COL27A1: variants seen among roughly 807,000 people sequenced by gnomAD.
The protein encoded by COL27A1 is collagen type XXVII alpha 1 chain, also known as collagen alpha-1(XXVII) chain.
Under a neutral mutation model 251.3 loss-of-function variants are expected in COL27A1, and 106 were observed. The ratio of observed to expected loss-of-function variants is 0.42; its 90% confidence interval spans 0.36 to 0.50. The LOEUF is 0.50. Ranked by LOEUF, COL27A1 falls within the 20% of genes least tolerant of loss-of-function variation. COL27A1 has a pLI of 0.00. For synonymous variants in COL27A1, 1,000 were observed against 986.3 expected, an observed-to-expected ratio of 1.01 and a Z score of -0.26; for missense variants, 2,325 against 2,522.8, an observed-to-expected ratio of 0.92 and a Z score of 1.68.
chr9:114,306,795 G>A lies in COL27A1; in HGVS notation c.5107+107G>A, dbSNP rs1225900404. 4 of 1,224,280 alleles carry A rather than the reference G, an allele frequency of 3.3e-6. No individual in the cohort carries two copies. The African/African-American group carries it at 6.0e-5, about 18-fold the overall frequency. The allele number at this position is 1,224,280 out of a possible 1,614,324, so 75.8% of individuals were successfully genotyped here. On this transcript the variant is annotated intron_variant, in intron 58 of 60. Transcript: ENST00000356083. ...TTGGCTGAGTTTTTGTCCTCAGCAAGACAGATACACTGGCAGTCATTTATT... is the reference window on the plus strand; with the variant it reads ...TTGGCTGAGTTTTTGTCCTCAGCAAAACAGATACACTGGCAGTCATTTATT...
rs572006514 is a variant in COL27A1, at chr9:114,283,831, A to G, written c.3933+69A>G. 5 of 1,510,800 alleles carry G rather than the reference A, an allele frequency of 3.3e-6. No homozygotes were observed. In the Admixed American group the frequency reaches 8.5e-5, roughly 26 times the overall value. 93.6% of individuals were successfully genotyped at this position (1,510,800 alleles called of 1,614,324 possible). On this transcript the variant is annotated intron_variant, in intron 40 of 60. Coordinates refer to ENST00000356083, the MANE Select transcript of COL27A1 (RefSeq NM_032888.4). The stretch of plus-strand genomic sequence containing the variant: ...AGGCCTGGAAACACAGGCCCATGCC[A>G]GCCTCTGCCCCACCACCTCCCAGCT...
At chr9:114,267,362 C>A in intron 33 of COL27A1, 142 bp from the exon 34 acceptor site, 1 of 633,644 alleles carries the variant, frequency 1.6e-6, no homozygotes, top group Non-Finnish European at 2.6e-6. Context: ...CTCCAAGAAG[C>A]TACAAGCTGC....
chr9:114,266,683 C>A, intron 33 of COL27A1, 65 bp downstream of exon 33: 1 of 1,441,554 alleles, frequency 6.9e-7, no homozygotes, highest in Non-Finnish European at 9.8e-7. Flanking sequence ...CTTCCCTTCC[C>A]TCCTCCCCAG....
chr9:114,259,201 C>G (rs1225449761), intron 28 of COL27A1, among the ~76,000 whole-genome samples: 1 of 152,114 alleles, frequency 6.6e-6, no homozygotes. Context: ...TAGGTATCCT[C>G]AGGGTCAAAA....
intron 13 of COL27A1, among the ~76,000 whole-genome samples, chr9:114,221,257 G>T (rs1831090690): frequency 6.6e-6 from 1 of 152,134 alleles, no homozygotes; most frequent in Non-Finnish European, 1.5e-5. Flanking sequence ...GGAGATAGGT[G>T]GGGAGACATT....
intron 25 of COL27A1, among the ~76,000 whole-genome samples, chr9:114,251,705 C>T (rs888195782): frequency 6.6e-6 from 1 of 152,208 alleles, no homozygotes; most frequent in Non-Finnish European, 1.5e-5. Flanking sequence ...TAGCCAAATG[C>T]TTTCTTCCCA....
At chr9:114,181,968 C>T (rs187396438) in intron 4 of COL27A1, among the ~76,000 whole-genome samples, 17 of 152,168 alleles carry the variant, frequency 1.1e-4, no homozygotes, top group Admixed American at 1.1e-3. Context: ...GTGTTGTAGC[C>T]ACAGGAGAGG....
chr9:114,262,257 A>T (rs1358283873), intron 28 of COL27A1, among the ~76,000 whole-genome samples: 10 of 152,158 alleles, frequency 6.6e-5, no homozygotes, highest in Admixed American at 6.5e-4. Context: ...TGTCCACGTG[A>T]GCCTGAGACT....
chr9:114,303,654 C>T (rs146496663), intron 56 of COL27A1, among the ~76,000 whole-genome samples: 2 of 152,170 alleles, frequency 1.3e-5, no homozygotes, highest in Admixed American at 1.3e-4. Flanking sequence ...AAGCAGCTTT[C>T]CCCAGATTAT....
At chr9:114,239,192 C>G (rs2135469236) in intron 19 of COL27A1, among the ~76,000 whole-genome samples, 2 of 152,394 alleles carry the variant, frequency 1.3e-5, no homozygotes, top group East Asian at 3.9e-4. Flanking sequence ...GGTGAATTAT[C>G]TCTCACTCAT....
chr9:114,237,079 A>G (rs374855877), intron 18 of COL27A1, 45 bp downstream of exon 18: 7 of 1,526,348 alleles, frequency 4.6e-6, no homozygotes, highest in Non-Finnish European at 5.3e-6. Context: ...ACACTCTCCA[A>G]CTGATCGTGT....
intron 16 of COL27A1, among the ~76,000 whole-genome samples, chr9:114,233,711 A>G: frequency 6.6e-6 from 1 of 152,232 alleles, no homozygotes; most frequent in East Asian, 1.9e-4. Flanking sequence ...TGTTACATGG[A>G]ACTCGGCTGG....
At chr9:114,291,184 C>T (rs1827889601) in intron 48 of COL27A1, among the ~76,000 whole-genome samples, 1 of 152,186 alleles carries the variant, frequency 6.6e-6, no homozygotes, top group Non-Finnish European at 1.5e-5. Flanking sequence ...GGCGCCCTCT[C>T]GTGGACATTT....
chr9:114,252,594 G>A lies in COL27A1; in HGVS notation c.3035G>A (p.Gly1012Asp), dbSNP rs1833616208. The A allele has an allele frequency of 6.2e-7, 1 of 1,613,822 alleles. No individual in the cohort carries two copies. The highest frequency in any genetic ancestry group is 1.3e-5 in the African/African-American group (1 of 74,928). Residue 1012 changes from glycine to aspartate, a missense_variant and splice_region_variant, in exon 26 of 61, where the codon GGT becomes GAT. Transcript: ENST00000356083. Reference sequence around the variant, plus strand: ...CCTGCATTGCTGTCTCCATCACAGGGTGATCGTGGCATGATGGGACCCCCA... The same window carrying A: ...CCTGCATTGCTGTCTCCATCACAGGATGATCGTGGCATGATGGGACCCCCA... ...VGEPGIVGEK[G>D]DRGMMGPPGV...
Position 114,290,150 on chromosome 9 carries a change from G to GCCCCCCCCCCCCC in COL27A1, c.4260+42_4260+43insCCCCCCCCCCCCC. The GCCCCCCCCCCCCC allele has an allele frequency of 6.3e-7, 1 of 1,593,518 alleles. No homozygotes were observed. Among genetic ancestry groups the GCCCCCCCCCCCCC allele is most frequent in the Non-Finnish European group, 8.6e-7 (1 of 1,165,390 alleles). The stretch of plus-strand genomic sequence containing the variant: ...GCTGCTGTTTCCAGCCAACCTCCCT[G>GCCCCCCCCCCCCC]CCCGCCCCCCACACCCGCCCTCCTC... On this transcript the variant is annotated intron_variant, in intron 46 of 60. Transcript: ENST00000356083. This position sits in a 1 kb window ranked among gnomAD's most constrained non-coding sequence, Gnocchi z 4.6.
At position 114,252,694 on chromosome 9, in the gene COL27A1, A is replaced by G. The variant is rs755676891; in HGVS notation, c.3087+48A>G. The G allele has an allele frequency of 1.3e-5, 20 of 1,560,432 alleles. No individual in the cohort carries two copies. The Admixed American group carries it at 2.2e-4, about 17-fold the overall frequency. ...CTTGCCCTCTCCTGTTGCAGCCTTG[A>G]GTGACAGCTCTGCTCTCCTCCATGA... On this transcript the variant is annotated intron_variant, in intron 26 of 60. Coordinates refer to ENST00000356083, the MANE Select transcript of COL27A1 (RefSeq NM_032888.4).
intron 40 of COL27A1, among the ~76,000 whole-genome samples, chr9:114,284,091 C>T (rs1027635509): frequency 1.3e-4 from 20 of 152,220 alleles, no homozygotes; most frequent in Non-Finnish European, 2.6e-4. Flanking sequence ...TTGGCACCTT[C>T]TTAGACATGG....
chr9:114,249,874 G>C (rs902497), intron 24 of COL27A1, among the ~76,000 whole-genome samples: 49,889 of 152,150 alleles, frequency 0.33, 8,482 homozygotes, highest in Non-Finnish European at 0.37. Flanking sequence ...GGCTCAGTTT[G>C]TATTTTCCTT....
chr9:114,282,359 C>G, intron 38 of COL27A1, 29 bp downstream of exon 38: 1 of 1,613,604 alleles, frequency 6.2e-7, no homozygotes, highest in Non-Finnish European at 8.5e-7. Context: ...CTTGATAGGC[C>G]TGCGTCCCTC....
Sources: allele counts gnomAD v4.1 joint callset (sites outside exome capture counted in the v4.1 genomes callset), GRCh38; gene constraint gnomAD v4.1.1; non-coding constraint Gnocchi (gnomAD v3.1); transcripts MANE v1.5; gene names NCBI Gene and HGNC (gene_info 2026-07-23, HGNC 2026-07-21).